Variants in PCSK9 observed in about 807,000 individuals in gnomAD.
The protein encoded by PCSK9 is proprotein convertase subtilisin/kexin type 9.
In PCSK9, 57 loss-of-function variants were observed where a neutral mutation model predicts 62.1. The ratio of observed to expected loss-of-function variants is 0.92; its 90% CI spans 0.74 to 1.14. The LOEUF is 1.14. PCSK9 is among the 50% of genes most tolerant of loss of function. PCSK9 has a pLI of 0.00. For missense variants in PCSK9, 870 were observed against 959.8 expected, an observed-to-expected ratio of 0.91 and a Z score of 1.24; for synonymous variants, 387 against 409.4, an observed-to-expected ratio of 0.95 and a Z score of 0.66.
chr1:55,058,889 A>G (rs1360036341), intron 9 of PCSK9, among the ~76,000 whole-genome samples: 1 of 152,204 alleles, frequency 6.6e-6, no homozygotes, highest in Admixed American at 6.5e-5. Flanking sequence ...GCTGCAGGAC[A>G]GTGCTGGATG....
rs1007275539 is a variant in PCSK9 at position 55,039,822 on chromosome 1, C to T, written c.-16C>T. The T allele has an allele frequency of 6.4e-7, 1 of 1,567,996 alleles. No homozygotes were observed. Among genetic ancestry groups the T allele is most frequent in the African/African-American group, 1.3e-5 (1 of 74,488 alleles). Reference sequence around the variant, plus strand: ...TAGGTCTCCTCGCCAGGACAGCAACCTCTCCCCTGGCCCTCATGGGCACCG... The same window carrying T: ...TAGGTCTCCTCGCCAGGACAGCAACTTCTCCCCTGGCCCTCATGGGCACCG... On this transcript the variant is annotated 5_prime_UTR_variant, in exon 1 of 12. Transcript: ENST00000302118.
chr1:55,051,664 G>A, intron 3 of PCSK9: 1 of 219,662 alleles, frequency 4.6e-6, no homozygotes, highest in Non-Finnish European at 9.2e-6. Context: ...ATAAAGTGTA[G>A]GGTAGGCGCT....
chr1:55,042,386 G>A (rs1644603672), intron 1 of PCSK9, among the ~76,000 whole-genome samples: 2 of 152,332 alleles, frequency 1.3e-5, no homozygotes, highest in South Asian at 2.1e-4. Flanking sequence ...ATTTAGTTGT[G>A]TGAATATGCA....
At chr1:55,056,291 T>A in intron 6 of PCSK9, 102 bp downstream of exon 6, 1 of 1,241,712 alleles carries the variant, frequency 8.1e-7, no homozygotes, top group Non-Finnish European at 1.1e-6. Context: ...CACGTGGGCT[T>A]CTTGTGGCAC....
At chr1:55,047,934 G>A (rs1644645900) in intron 3 of PCSK9, among the ~76,000 whole-genome samples, 1 of 152,214 alleles carries the variant, frequency 6.6e-6, no homozygotes, top group Non-Finnish European at 1.5e-5. Context: ...ACCTCCCGGA[G>A]CAGGCTAATA....
intron 3 of PCSK9, 142 bp from the exon 4 acceptor site, chr1:55,052,136 G>A: frequency 8.7e-7 from 1 of 1,154,452 alleles, no homozygotes; most frequent in Non-Finnish European, 1.3e-6. Context: ...TAGTGTGTGA[G>A]GATTTTTTGG....
intron 3 of PCSK9, among the ~76,000 whole-genome samples, chr1:55,049,202 A>G (rs1261448516): frequency 2.6e-5 from 4 of 152,220 alleles, no homozygotes; most frequent in African/African-American, 9.6e-5. Flanking sequence ...AACCAGGCAA[A>G]GGGGACGGTG....
At position 55,044,043 on chromosome 1, in the gene PCSK9, C is replaced by T. The variant is rs771070411; in HGVS notation, c.399+9C>T. On this transcript the variant is annotated intron_variant, in intron 2 of 11. Transcript: ENST00000302118. ...GCGACCTGCTGGAGCTGGTGAGCCA[C>T]CCTTTTTGGGAATGGCACTTCCTGA... is the stretch of plus-strand genomic sequence containing the variant. The T allele has an allele frequency of 2.5e-6, 4 of 1,613,922 alleles. No homozygotes were observed. The highest frequency in any genetic ancestry group is 4.5e-5 in the East Asian group (2 of 44,898).
At position 55,039,593 on chromosome 1, in the gene PCSK9, G is replaced by T. The variant is rs28362201; in HGVS notation, c.-245G>T. Reference sequence around the variant, plus strand: ...GGTTGCAGGCGGGCGCCGCCGTTCAGTTCAGGGTCTGAGCCTGGAGGAGTG... The same window carrying T: ...GGTTGCAGGCGGGCGCCGCCGTTCATTTCAGGGTCTGAGCCTGGAGGAGTG... On this transcript the variant is annotated 5_prime_UTR_variant, in exon 1 of 12. Transcript: ENST00000302118. 8.2e-3 allele frequency: 4,929 copies of T among 598,260 alleles called. 181 individuals carry two copies. The African/African-American group carries it at 0.084, about 10-fold the overall frequency. The allele number at this position is 598,260 out of a possible 1,614,324, so 37.1% of individuals were successfully genotyped here.
chr1:55,059,374 G>A, intron 9 of PCSK9, 112 bp from the exon 10 acceptor site: 1 of 1,355,138 alleles, frequency 7.4e-7, no homozygotes, highest in Non-Finnish European at 1.0e-6. Context: ...GGGTCTGGCT[G>A]GCCCCTGGCA....
chr1:55,057,222 C>T (rs1466728419), intron 6 of PCSK9, 109 bp from the exon 7 acceptor site: 5 of 1,368,342 alleles, frequency 3.7e-6, no homozygotes, highest in Non-Finnish European at 5.2e-6. Context: ...TGAGTGGGAC[C>T]CAAACAGGTG....
Position 55,039,985 on chromosome 1 carries a change from G to A in PCSK9, c.148G>A (p.Asp50Asn). 4 of 1,581,086 alleles carry A rather than the reference G, an allele frequency of 2.5e-6. No individual in the cohort carries two copies. The highest frequency in any genetic ancestry group is 3.4e-6 in the Non-Finnish European group (4 of 1,164,440). Residue 50 changes from aspartate (D) to asparagine (N), a missense_variant, in exon 1 of 12, where the codon GAC (aspartate) becomes AAC (asparagine). Physicochemically the swap from Asp to Asn is conservative, Grantham distance 23. Coordinates refer to ENST00000302118, the MANE Select transcript of PCSK9 (RefSeq NM_174936.4). ...ELVLALRSEE[D>N]GLAEAPEHGT... ...GGTGCTAGCCTTGCGTTCCGAGGAGGACGGCCTGGCCGAAGCACCCGAGCA... is the reference window on the plus strand; with the variant it reads ...GGTGCTAGCCTTGCGTTCCGAGGAGAACGGCCTGGCCGAAGCACCCGAGCA...
At chr1:55,044,199 T>C (rs4927193) in intron 2 of PCSK9, among the ~76,000 whole-genome samples, 165 bp downstream of exon 2, 23,588 of 152,208 alleles carry the variant, frequency 0.15, 1,931 homozygotes, top group African/African-American at 0.23. Flanking sequence ...GCTTTCTGTA[T>C]AGAATTCCCT....
At position 55,063,835 on chromosome 1, in the gene PCSK9, C is replaced by G. The variant is rs1644781505; in HGVS notation, c.*251C>G. On this transcript the variant is annotated 3_prime_UTR_variant, in exon 12 of 12. Coordinates refer to ENST00000302118, the MANE Select transcript of PCSK9 (RefSeq NM_174936.4). The stretch of plus-strand genomic sequence containing the variant: ...CCCTCCCTCACTGTGGGGCATTTCA[C>G]CATTCAAACAGGTCGAGCTGTGCTC... The G allele has an allele frequency of 1.7e-6, 1 of 573,312 alleles. No individual in the cohort carries two copies. The highest frequency in any genetic ancestry group is 3.1e-6 in the Non-Finnish European group (1 of 321,766). 35.5% of individuals were successfully genotyped at this position (573,312 alleles called of 1,614,324 possible).
At chr1:55,052,249 T>C in intron 3 of PCSK9, 29 bp from the exon 4 acceptor site, 1 of 1,613,858 alleles carries the variant, frequency 6.2e-7, no homozygotes, top group South Asian at 1.1e-5. Context: ...GCTCATTCCC[T>C]CCTCTCCCAC....
chr1:55,051,635 A>C, intron 3 of PCSK9: 2 of 225,970 alleles, frequency 8.9e-6, no homozygotes, highest in South Asian at 5.9e-5. Context: ...GAGAATCCAA[A>C]CTGATCCAGT....
At chr1:55,050,865 A>G in intron 3 of PCSK9, 1 of 319,480 alleles carries the variant, frequency 3.1e-6, no homozygotes, top group South Asian at 2.3e-5. Context: ...GTCTTTGTAG[A>G]TGTAATTAAG....
chr1:55,040,430 C>G lies in PCSK9; in HGVS notation c.207+386C>G, dbSNP rs28385704. Among the ~76,000 whole-genome samples, 14,845 of 152,186 alleles carry G rather than the reference C, an allele frequency of 0.098. 888 individuals carry two copies. Among genetic ancestry groups the G allele is most frequent in the South Asian group, 0.14 (678 of 4,810 alleles). On this transcript the variant is annotated intron_variant, in intron 1 of 11. Transcript: ENST00000302118. The surrounding 1 kb of genome is among the most constrained non-coding windows in gnomAD (Gnocchi z 4.1). ...TGGGTGAAGGAGTGAATGCCTGGAA[C>G]GTACTGGGAACTGCACCAGGCACAG...
chr1:55,058,498 G>A lies in PCSK9; in HGVS notation c.1355-1G>A. 1 of 1,612,204 alleles carries A rather than the reference G, an allele frequency of 6.2e-7. No homozygotes were observed. Among genetic ancestry groups the A allele is most frequent in the Non-Finnish European group, 8.5e-7 (1 of 1,180,016 alleles). On this transcript the variant is annotated splice_acceptor_variant, in intron 8 of 11. Coordinates refer to ENST00000302118, the MANE Select transcript of PCSK9 (RefSeq NM_174936.4). LOFTEE classifies it high-confidence loss of function. ...CTCCTCATCCCAGGCCCTTTTTGCA[G>A]GTTGGCAGCTGTTTTGCAGGACTGT... is the stretch of plus-strand genomic sequence containing the variant.
Sources: allele counts gnomAD v4.1 joint callset (sites outside exome capture counted in the v4.1 genomes callset), GRCh38; gene constraint gnomAD v4.1.1; non-coding constraint Gnocchi (gnomAD v3.1); transcripts MANE v1.5; gene names NCBI Gene and HGNC (gene_info 2026-07-23, HGNC 2026-07-21).